The following CENPM variants were observed in gnomAD, a reference collection of about 807,000 sequenced individuals.
The protein encoded by CENPM is interphase centromere complex protein 39.
In CENPM, 14 loss-of-function variants were observed where a neutral mutation model predicts 19.6. That is an observed-to-expected ratio of 0.71 (90% CI 0.47 to 1.11). The LOEUF (loss-of-function observed/expected upper bound fraction) is 1.11. Among genes scored for constraint, CENPM ranks in the 50% most tolerant of loss-of-function variants. The pLI is 0.00. For synonymous variants in CENPM, 114 were observed against 101.5 expected, an observed-to-expected ratio of 1.12 and a Z score of -0.74; for missense variants, 239 against 228.4, an observed-to-expected ratio of 1.05 and a Z score of -0.30.
At chr22:41,927,515 T>G in the CENPM span, among the ~76,000 whole-genome samples, 1 of 128,938 alleles carries the variant, frequency 7.8e-6, no homozygotes, top group African/African-American at 3.6e-5. Context: ...GACACCTGCT[T>G]TTTTTTTTTT....
At chr22:41,934,250 G>T (rs1175257667), downstream of CENPM, among the ~76,000 whole-genome samples, 1 of 152,188 alleles carries the variant, frequency 6.6e-6, no homozygotes, top group African/African-American at 2.4e-5. Flanking sequence ...CCATCAGATT[G>T]AGGCCAGGAC....
At chr22:41,932,998 C>G in the CENPM span, among the ~76,000 whole-genome samples, 1 of 152,058 alleles carries the variant, frequency 6.6e-6, no homozygotes, top group African/African-American at 2.4e-5. The surrounding 1 kb of genome is among the most constrained non-coding windows in gnomAD (Gnocchi z 4.3). Context: ...GTAAGGAGTG[C>G]TGGGGAGAAA....
intron 1 of CENPM, chr22:41,946,733 C>T (rs553179550): frequency 8.4e-6 from 5 of 596,812 alleles, no homozygotes; most frequent in African/African-American, 5.6e-5. Context: ...CACCGCCGGC[C>T]TCTCCAGGAG....
At chr22:41,937,404 T>G (rs6002546), downstream of CENPM, among the ~76,000 whole-genome samples, 42,807 of 152,082 alleles carry the variant, frequency 0.28, 6,650 homozygotes, top group Admixed American at 0.4. Flanking sequence ...CAAGCAATTT[T>G]CCTGCCTCAG....
In CENPM at chr22:41,938,990, C is replaced by G. The variant is rs1235851483; in HGVS notation, c.*66G>C. On this transcript the variant is annotated 3_prime_UTR_variant, in exon 6 of 6. Coordinates refer to ENST00000215980, the MANE Select transcript of CENPM (RefSeq NM_024053.5). ...CTGTCAAGCCCTGACTGGACATCCT[C>G]AACAGAGAATGTTTATGGAGTCAGC... The G allele has an allele frequency of 2.0e-5, 31 of 1,583,390 alleles. No individual in the cohort carries two copies. The highest frequency in any genetic ancestry group is 2.6e-5 in the Non-Finnish European group (30 of 1,162,652).
chr22:41,946,225 C>A, intron 2 of CENPM, 192 bp downstream of exon 2: 2 of 649,490 alleles, frequency 3.1e-6, no homozygotes, highest in Non-Finnish European at 5.4e-6. Flanking sequence ...CAGAAACGGG[C>A]TCTGTTTAGT....
At chr22:41,941,989 AGAG>A (rs2077743508) in intron 5 of CENPM, among the ~76,000 whole-genome samples, 1 of 152,194 alleles carries the variant, frequency 6.6e-6, no homozygotes, top group Admixed American at 6.5e-5. Context: ...CCCTTAGACC[AGAG>A]GAGTGCCCTG....
At chr22:41,933,229 C>A in the CENPM span, among the ~76,000 whole-genome samples, 1 of 152,034 alleles carries the variant, frequency 6.6e-6, no homozygotes, top group African/African-American at 2.4e-5. Context: ...GGGGCTAGCA[C>A]GACTGGTCCC....
At chr22:41,946,684 C>G (rs762850611) in intron 1 of CENPM, 188 bp from the exon 2 acceptor site, 144 of 605,794 alleles carry the variant, frequency 2.4e-4, no homozygotes, top group Non-Finnish European at 3.9e-4. Flanking sequence ...CGCTGCAGGC[C>G]TGTGGGCACC....
chr22:41,938,613 C>T (rs767485994), downstream of CENPM: 10 of 155,706 alleles, frequency 6.4e-5, no homozygotes, highest in Non-Finnish European at 1.1e-4. Context: ...GATCCACCCA[C>T]CTCGGCCTCC....
At chr22:41,945,812 T>G in intron 3 of CENPM, 101 bp downstream of exon 3, 1 of 901,572 alleles carries the variant, frequency 1.1e-6, no homozygotes, top group Non-Finnish European at 1.7e-6. Context: ...AGCCAGCCTC[T>G]CCCATCCTCA....
the CENPM span, chr22:41,928,318 C>T: frequency 1.8e-5 from 3 of 168,974 alleles, no homozygotes; most frequent in Admixed American, 6.4e-5. The surrounding 1 kb of genome is among the most constrained non-coding windows in gnomAD (Gnocchi z 4.0). Flanking sequence ...TGTTTGGGGT[C>T]CCCAACTGTC....
At chr22:41,935,430 T>C (rs1021272530), downstream of CENPM, among the ~76,000 whole-genome samples, 3 of 152,074 alleles carry the variant, frequency 2.0e-5, no homozygotes, top group Non-Finnish European at 2.9e-5. Context: ...TACCCTCCAG[T>C]TACCCTGCAA....
At chr22:41,938,028 T>C (rs1261628375), downstream of CENPM, among the ~76,000 whole-genome samples, 1 of 151,818 alleles carries the variant, frequency 6.6e-6, no homozygotes, top group East Asian at 1.9e-4. Flanking sequence ...GTATTTTTAG[T>C]AGAGGCAGAG....
At position 41,946,602 on chromosome 22, in the gene CENPM, GCGGCT is replaced by G; in HGVS notation, c.58-111_58-107del. On this transcript the variant is annotated intron_variant, in intron 1 of 5. Transcript: ENST00000215980. Reference sequence around the variant, plus strand: ...GGGGGGATCGGGACACCGCCAGCAGGCGGCTCGGAGGACATTTCCCGAGAAGTGGA... The same window carrying G: ...GGGGGGATCGGGACACCGCCAGCAGGCGGAGGACATTTCCCGAGAAGTGGA... 3.3e-6 allele frequency: 3 copies of G among 908,726 alleles called. No homozygotes were observed. In the South Asian group the frequency reaches 4.7e-5, roughly 14 times the overall value. The allele number at this position is 908,726 out of a possible 1,614,324, so 56.3% of individuals were successfully genotyped here.
chr22:41,929,189 G>A, the CENPM span, among the ~76,000 whole-genome samples: 1 of 152,050 alleles, frequency 6.6e-6, no homozygotes, highest in Non-Finnish European at 1.5e-5. Flanking sequence ...GGGAGCCAGG[G>A]CAGGGAAGGC....
chr22:41,946,939 C>T, intron 1 of CENPM, 81 bp downstream of exon 1: 2 of 1,443,238 alleles, frequency 1.4e-6, no homozygotes, highest in Admixed American at 3.4e-5. Context: ...CTTGGCGCCT[C>T]AGAGAGCTCA....
chr22:41,930,662 G>A, the CENPM span, among the ~76,000 whole-genome samples: 2 of 151,970 alleles, frequency 1.3e-5, no homozygotes, highest in Non-Finnish European at 2.9e-5. Flanking sequence ...GGGATTACAG[G>A]CACCTGCCAC....
chr22:41,934,495 C>T (rs2146596228), downstream of CENPM, among the ~76,000 whole-genome samples: 1 of 152,314 alleles, frequency 6.6e-6, no homozygotes, highest in African/African-American at 2.4e-5. Flanking sequence ...CCCCCATTCC[C>T]AGCCTGTAGG....
Sources: allele counts gnomAD v4.1 joint callset (sites outside exome capture counted in the v4.1 genomes callset), GRCh38; gene constraint gnomAD v4.1.1; non-coding constraint Gnocchi (gnomAD v3.1); transcripts MANE v1.5; gene names NCBI Gene and HGNC (gene_info 2026-07-23, HGNC 2026-07-21).